SIPA1L3: variants seen among roughly 807,000 people sequenced by gnomAD.
SIPA1L3 encodes signal induced proliferation associated 1 like 3.
In SIPA1L3, 59 loss-of-function variants were observed where a neutral mutation model predicts 150.1. The observed-to-expected ratio is 0.39, with a 90% CI of 0.32 to 0.49. The LOEUF is 0.49. Ranked by LOEUF, SIPA1L3 falls within the 20% of genes least tolerant of loss-of-function variation. SIPA1L3 has a pLI of 0.86. For missense variants in SIPA1L3, 2,211 were observed against 2,489.5 expected, an observed-to-expected ratio of 0.89 and a Z score of 2.38; for synonymous variants, 1,070 against 1,077.6, an observed-to-expected ratio of 0.99 and a Z score of 0.14.
At chr19:38,103,901 C>CAAA (rs66888884) in intron 6 of SIPA1L3, among the ~76,000 whole-genome samples, 4 of 96,284 alleles carry the variant, frequency 4.2e-5, no homozygotes, top group African/African-American at 8.2e-5. Flanking sequence ...GACTCCATAT[C>CAAA]AAAAAAAAAA....
rs866649923 is a variant in SIPA1L3 at position 37,942,862 on chromosome 19, C to T, written c.-379+35504C>T. On this transcript the variant is annotated intron_variant, in intron 1 of 21. Coordinates refer to ENST00000222345, the MANE Select transcript of SIPA1L3 (RefSeq NM_015073.3). Reference sequence around the variant, plus strand: ...TGGTAGTAAGGATAGCCCCAGTCCCCTTTAACATGGGCTGAGGTTTTCTTT... The same window carrying T: ...TGGTAGTAAGGATAGCCCCAGTCCCTTTTAACATGGGCTGAGGTTTTCTTT... Among the ~76,000 whole-genome samples, 150 of 151,950 alleles carry T rather than the reference C, an allele frequency of 9.9e-4. 1 individual carries two copies. Among genetic ancestry groups the T allele is most frequent in the Middle Eastern group, 6.8e-3 (2 of 294 alleles).
intron 4 of SIPA1L3, among the ~76,000 whole-genome samples, chr19:38,092,370 T>TA (rs528197351): frequency 0.06 from 8,654 of 144,398 alleles, 300 homozygotes; most frequent in Middle Eastern, 0.11. Flanking sequence ...AGTATAATAT[T>TA]AAAAAAAAAA....
intron 15 of SIPA1L3, 35 bp from the exon 16 acceptor site, chr19:38,182,484 T>C: frequency 2.7e-6 from 4 of 1,488,810 alleles, no homozygotes; most frequent in Non-Finnish European, 3.7e-6. Context: ...GGAATGGATT[T>C]GGTTTTTTTT....
chr19:38,039,895 C>T (rs1399628499), intron 2 of SIPA1L3, among the ~76,000 whole-genome samples: 1 of 151,914 alleles, frequency 6.6e-6, no homozygotes, highest in Non-Finnish European at 1.5e-5. Flanking sequence ...ATAGGAGGAT[C>T]GCCTGAGGCC....
At chr19:38,204,743 G>T (rs1414695097) in intron 21 of SIPA1L3, among the ~76,000 whole-genome samples, 1 of 151,980 alleles carries the variant, frequency 6.6e-6, no homozygotes, top group Non-Finnish European at 1.5e-5. Flanking sequence ...TCCAGCCTGG[G>T]CAACAGAGCG....
At chr19:37,913,149 A>G (rs916928263) in intron 1 of SIPA1L3, among the ~76,000 whole-genome samples, 1 of 152,180 alleles carries the variant, frequency 6.6e-6, no homozygotes. Flanking sequence ...GTATGATAGT[A>G]GTCTTTACCT....
intron 2 of SIPA1L3, among the ~76,000 whole-genome samples, chr19:38,031,350 G>C (rs1184377887): frequency 6.6e-6 from 1 of 152,124 alleles, no homozygotes; most frequent in Admixed American, 6.5e-5. Flanking sequence ...TCTTCCAAGA[G>C]TCTATTCTTG....
At position 38,029,154 on chromosome 19, in the gene SIPA1L3, A is replaced by AG. The variant is rs1299269503; in HGVS notation, c.-311+1dup. 6.6e-6 allele frequency: 1 copy of AG among 152,228 alleles called. No homozygotes were observed. The highest frequency in any genetic ancestry group is 1.5e-5 in the Non-Finnish European group (1 of 68,050). The allele number at this position is 152,228 out of a possible 1,614,324, so 9.4% of individuals were successfully genotyped here. A position where few individuals can be genotyped will look rare whatever the true frequency, so the allele number is the denominator to read the frequency against. ...GAGCACTAGTGTCTAGAAGGCACTA[A>AG]GGGTGAGTAAGGCGTGGCTGCTGGT... On this transcript the variant is annotated splice_region_variant and 5_prime_UTR_variant, in exon 2 of 22. Coordinates refer to ENST00000222345, the MANE Select transcript of SIPA1L3 (RefSeq NM_015073.3).
intron 15 of SIPA1L3, among the ~76,000 whole-genome samples, chr19:38,179,747 A>T (rs1263181934): frequency 6.6e-6 from 1 of 152,190 alleles, no homozygotes; most frequent in East Asian, 1.9e-4. Flanking sequence ...ACTTTTATAG[A>T]ATCTTATTTT....
intron 15 of SIPA1L3, among the ~76,000 whole-genome samples, chr19:38,179,427 G>A (rs1972512145): frequency 6.6e-6 from 1 of 152,190 alleles, no homozygotes; most frequent in Admixed American, 6.5e-5. Flanking sequence ...AAGTGACAGA[G>A]TAAGACTCTG....
At chr19:38,071,972 G>A (rs955669950) in intron 2 of SIPA1L3, among the ~76,000 whole-genome samples, 2 of 152,222 alleles carry the variant, frequency 1.3e-5, no homozygotes, top group Non-Finnish European at 2.9e-5. Context: ...GTAATCAGGT[G>A]GGTAGGGGGG....
rs374630193 is a variant in SIPA1L3, at chr19:37,976,104, T to TAAAAAAAA, written c.-378-52978_-378-52971dup. Among the ~76,000 whole-genome samples, 140 of 120,326 alleles carry TAAAAAAAA rather than the reference T, an allele frequency of 1.2e-3. 3 individuals carry two copies. The highest frequency in any genetic ancestry group is 8.0e-3 in the East Asian group (32 of 4,002). 78.9% of individuals were successfully genotyped at this position (120,326 alleles called of 152,430 possible). On this transcript the variant is annotated intron_variant, in intron 1 of 21. Transcript: ENST00000222345. ...TGGGTGACAGAGCAAGGCTCTGTCTTAAAAAAAAAAAAAAGAAAGAAAAGA... is the reference window on the plus strand; with the variant it reads ...TGGGTGACAGAGCAAGGCTCTGTCTTAAAAAAAAAAAAAAAAAAAAAAGAAAGAAAAGA...
intron 7 of SIPA1L3, among the ~76,000 whole-genome samples, chr19:38,109,185 A>T (rs111969378): frequency 0.028 from 4,190 of 152,202 alleles, 184 homozygotes; most frequent in African/African-American, 0.095. Flanking sequence ...AAAAGAGGTT[A>T]AATGGACTCA....
chr19:38,189,889 A>G (rs772689253), intron 16 of SIPA1L3, among the ~76,000 whole-genome samples: 1 of 152,146 alleles, frequency 6.6e-6, no homozygotes, highest in Admixed American at 6.5e-5. Context: ...CGCGCTATAC[A>G]TGCTGCTTTT....
At chr19:38,054,723 T>A (rs534558518) in intron 2 of SIPA1L3, among the ~76,000 whole-genome samples, 1 of 152,360 alleles carries the variant, frequency 6.6e-6, no homozygotes, top group African/African-American at 2.4e-5. Context: ...GTGATGGTGA[T>A]AAGAGAACCT....
At chr19:37,937,575 CA>C (rs1331349957) in intron 1 of SIPA1L3, among the ~76,000 whole-genome samples, 1 of 148,308 alleles carries the variant, frequency 6.7e-6, no homozygotes, top group African/African-American at 2.5e-5. Context: ...CTCATCTCTA[CA>C]AAAAAATTTT....
At chr19:38,066,636 G>T (rs922157776) in intron 2 of SIPA1L3, among the ~76,000 whole-genome samples, 4 of 151,972 alleles carry the variant, frequency 2.6e-5, no homozygotes, top group African/African-American at 9.7e-5. Flanking sequence ...GACCAGCCTG[G>T]CCAATGTGGT....
chr19:38,181,863 A>AAG (rs1250744097), intron 15 of SIPA1L3, among the ~76,000 whole-genome samples: 7,474 of 145,846 alleles, frequency 0.051, 754 homozygotes, highest in African/African-American at 0.18. Context: ...AAAAAAAAAA[A>AAG]GGTTAAGGGC....
At chr19:37,923,032 G>T (rs1395572397) in intron 1 of SIPA1L3, among the ~76,000 whole-genome samples, 2 of 151,696 alleles carry the variant, frequency 1.3e-5, no homozygotes, top group Non-Finnish European at 2.9e-5. Context: ...ACCTACTCGG[G>T]AGGCTGAGAC....
Sources: allele counts gnomAD v4.1 joint callset (sites outside exome capture counted in the v4.1 genomes callset), GRCh38; gene constraint gnomAD v4.1.1; transcripts MANE v1.5; gene names NCBI Gene and HGNC (gene_info 2026-07-23, HGNC 2026-07-21).